The following PGLYRP3 variants were observed in gnomAD, a reference collection of about 807,000 sequenced individuals.
The protein encoded by PGLYRP3 is peptidoglycan recognition protein I alpha.
PGLYRP3 carries 39 observed loss-of-function variants against 36.0 expected under a neutral mutation model. The observed-to-expected ratio is 1.08, with a 90% CI of 0.84 to 1.41. PGLYRP3 has a LOEUF of 1.41. PGLYRP3 is among the 40% of genes most tolerant of loss of function. The probability of loss-of-function intolerance (pLI) is 0.00; values close to 1 mark genes in which losing one functional copy is unlikely to be tolerated. For synonymous variants in PGLYRP3, 204 were observed against 172.8 expected (o/e 1.18, Z -1.42); for missense variants, 407 against 427.9 (o/e 0.95, Z 0.43).
At chr1:153,310,581 G>A in intron 2 of PGLYRP3, 30 bp downstream of exon 2, 1 of 1,610,248 alleles carries the variant, frequency 6.2e-7, no homozygotes, top group Non-Finnish European at 8.5e-7. Context: ...CTCATCAAAA[G>A]CACTTCTGAT....
Position 153,304,034 on chromosome 1 carries a change from A to G in PGLYRP3, c.377-25T>C, listed in dbSNP as rs770587683. The G allele has an allele frequency of 3.1e-6, 5 of 1,595,502 alleles. No individual in the cohort carries two copies. In the South Asian group the frequency reaches 5.6e-5, roughly 18 times the overall value. Reference sequence around the variant, plus strand: ...CCTTAAAGAGGAGGACAGGGAGCACAAAAATGTCAGTAAGAAACTCCACCT... The same window carrying G: ...CCTTAAAGAGGAGGACAGGGAGCACGAAAATGTCAGTAAGAAACTCCACCT... On this transcript the variant is annotated intron_variant, in intron 4 of 7. Transcript: ENST00000683862.
In PGLYRP3 at chr1:153,312,937, C is replaced by A. The variant is rs938227798; in HGVS notation, c.-336G>T. On this transcript the variant is annotated 5_prime_UTR_variant, in exon 1 of 8. Coordinates refer to ENST00000683862, the MANE Select transcript of PGLYRP3 (RefSeq NM_052891.3). The stretch of plus-strand genomic sequence containing the variant: ...CTCCAAGCCAGCTCTGTTTACAGCA[C>A]CCAGAGAAACTTAAGTGGGAACAGA... 1.3e-5 allele frequency among the ~76,000 whole-genome samples: 2 copies of A among 152,158 alleles called. No individual in the cohort carries two copies. Among genetic ancestry groups the A allele is most frequent in the African/African-American group, 2.4e-5 (1 of 41,444 alleles).
chr1:153,297,573 GA>G lies in PGLYRP3; in HGVS notation c.*382del, dbSNP rs1557805448. ...AAGGAAAGAAAGAAAAAGAAAGAAA[GA>G]AAGAAAGAAGAAAGAAAGAAAGAAA... On this transcript the variant is annotated 3_prime_UTR_variant, in exon 8 of 8. Coordinates refer to ENST00000683862, the MANE Select transcript of PGLYRP3 (RefSeq NM_052891.3). 2.2e-3 allele frequency among the ~76,000 whole-genome samples: 218 copies of G among 100,782 alleles called. 8 individuals carry two copies. In the East Asian group the frequency reaches 0.034, roughly 16 times the overall value. The allele number at this position is 100,782 out of a possible 152,430, so 66.1% of individuals were successfully genotyped here.
rs1384888609 is a variant in PGLYRP3 at position 153,302,586 on chromosome 1, C to T, written c.551G>A (p.Arg184Gln). Reference sequence around the variant, plus strand: ...TGTCTCTCTGGCTTCCCAAGCAGATCGTTTGATGATGTTGGGGCAAACTGT... The same window carrying T: ...TGTCTCTCTGGCTTCCCAAGCAGATTGTTTGATGATGTTGGGGCAAACTGT... ...PRKVCPNIIK[R>Q]SAWEARETHC... Residue 184 changes from arginine (R) to glutamine (Q), a missense_variant, in exon 6 of 8, where the codon CGA becomes CAA. Coordinates refer to ENST00000683862, the MANE Select transcript of PGLYRP3 (RefSeq NM_052891.3). 5 of 1,613,954 alleles carry T rather than the reference C, an allele frequency of 3.1e-6. No individual in the cohort carries two copies. Among genetic ancestry groups the T allele is most frequent in the East Asian group, 4.5e-5 (2 of 44,898 alleles).
intron 1 of PGLYRP3, among the ~76,000 whole-genome samples, 82 bp downstream of exon 1, chr1:153,312,561 T>C (rs1221938336): frequency 6.6e-6 from 1 of 152,052 alleles, no homozygotes; most frequent in Non-Finnish European, 1.5e-5. Context: ...TTTAACCCTA[T>C]AGACTTCCGT....
At chr1:153,304,159 G>A (rs1444440636) in intron 4 of PGLYRP3, 150 bp from the exon 5 acceptor site, 1 of 678,992 alleles carries the variant, frequency 1.5e-6, no homozygotes, top group Admixed American at 3.0e-5. Context: ...GAGTGCCTAA[G>A]AGGCGAGAAG....
chr1:153,311,769 A>G (rs1659901691), intron 1 of PGLYRP3, among the ~76,000 whole-genome samples: 1 of 152,256 alleles, frequency 6.6e-6, no homozygotes, highest in African/African-American at 2.4e-5. Context: ...AACTGCAATC[A>G]GCAGTCCCCA....
intron 1 of PGLYRP3, 123 bp from the exon 2 acceptor site, chr1:153,310,829 G>T (rs1159553030): frequency 1.5e-6 from 1 of 649,616 alleles, no homozygotes; most frequent in Non-Finnish European, 2.7e-6. Context: ...CCAGCACCTG[G>T]CTCAGGCTTC....
chr1:153,308,000 C>CT (rs34266664), intron 2 of PGLYRP3, among the ~76,000 whole-genome samples: 10,319 of 145,180 alleles, frequency 0.071, 439 homozygotes, highest in African/African-American at 0.12. Flanking sequence ...TTCTCTCTCT[C>CT]TTTTTTTTTT....
rs551886273 is a variant in PGLYRP3 at position 153,304,040 on chromosome 1, G to A, written c.377-31C>T. On this transcript the variant is annotated intron_variant, in intron 4 of 7. Transcript: ENST00000683862. ...AGAGGAGGACAGGGAGCACAAAAAT[G>A]TCAGTAAGAAACTCCACCTAGACCA... The A allele has an allele frequency of 2.6e-4, 416 of 1,592,614 alleles. 3 individuals are homozygous for A. The Middle Eastern group carries it at 4.2e-3, about 16-fold the overall frequency.
At chr1:153,300,874 C>T (rs950884727) in intron 6 of PGLYRP3, among the ~76,000 whole-genome samples, 15 of 152,344 alleles carry the variant, frequency 9.8e-5, no homozygotes, top group South Asian at 2.1e-4. Context: ...TGCAAATTCC[C>T]TTTACACTCT....
In PGLYRP3 at chr1:153,297,578, A is replaced by G. The variant is rs1659466949; in HGVS notation, c.*378T>C. Among the ~76,000 whole-genome samples, 1 of 48,488 alleles carries G rather than the reference A, an allele frequency of 2.1e-5. No homozygotes were observed. The highest frequency in any genetic ancestry group is 7.5e-5 in the African/African-American group (1 of 13,404). The allele number at this position is 48,488 out of a possible 152,430, so 31.8% of individuals were successfully genotyped here. A position where few individuals can be genotyped will look rare whatever the true frequency, so the allele number is the denominator to read the frequency against. ...AAGAAAGAAAAAGAAAGAAAGAAAG[A>G]AAGAAGAAAGAAAGAAAGAAAGAAA... On this transcript the variant is annotated 3_prime_UTR_variant, in exon 8 of 8. Coordinates refer to ENST00000683862, the MANE Select transcript of PGLYRP3 (RefSeq NM_052891.3).
At chr1:153,312,493 T>G (rs1659918582) in intron 1 of PGLYRP3, among the ~76,000 whole-genome samples, 150 bp downstream of exon 1, 1 of 152,222 alleles carries the variant, frequency 6.6e-6, no homozygotes, top group Non-Finnish European at 1.5e-5. Context: ...AATTTTCTTA[T>G]TTGGAGAAAG....
chr1:153,297,213 A>G lies in PGLYRP3; in HGVS notation c.*743T>C, dbSNP rs1659447237. On this transcript the variant is annotated 3_prime_UTR_variant, in exon 8 of 8. Transcript: ENST00000683862. ...AGGAACTGAGGATAGAGATGAATAA[A>G]ATAGAATTCCTCCCTTGGAGAAACT... is the stretch of plus-strand genomic sequence containing the variant. Among the ~76,000 whole-genome samples, 1 of 152,188 alleles carries G rather than the reference A, an allele frequency of 6.6e-6. No individual in the cohort carries two copies. The highest frequency in any genetic ancestry group is 2.4e-5 in the African/African-American group (1 of 41,436).
At chr1:153,307,925 T>G (rs1170767361) in intron 2 of PGLYRP3, among the ~76,000 whole-genome samples, 1 of 152,012 alleles carries the variant, frequency 6.6e-6, no homozygotes, top group Non-Finnish European at 1.5e-5. Context: ...TGAGGGACAA[T>G]GGAGACACTG....
At chr1:153,298,169 G>T (rs752804603) in intron 7 of PGLYRP3, 35 bp from the exon 8 acceptor site, 4 of 1,601,124 alleles carry the variant, frequency 2.5e-6, no homozygotes, top group South Asian at 1.1e-5. Flanking sequence ...GTCATTAGGG[G>T]CTCAAAGTTT....
chr1:153,304,290 G>A (rs1302867880), intron 4 of PGLYRP3, among the ~76,000 whole-genome samples: 1 of 152,172 alleles, frequency 6.6e-6, no homozygotes, highest in Non-Finnish European at 1.5e-5. Flanking sequence ...GCAAAGGGAG[G>A]CCCACCTGAC....
chr1:153,304,858 G>A, intron 4 of PGLYRP3, 89 bp downstream of exon 4: 1 of 925,862 alleles, frequency 1.1e-6, no homozygotes, highest in Non-Finnish European at 1.6e-6. Flanking sequence ...GTATGATGTA[G>A]GGTAAAAAGA....
At chr1:153,302,359 C>T (rs756831915) in intron 6 of PGLYRP3, 50 bp downstream of exon 6, 1 of 1,588,966 alleles carries the variant, frequency 6.3e-7, no homozygotes, top group Middle Eastern at 1.7e-4. Context: ...AGCCTTCCTT[C>T]CTACAATCCT....
Sources: gnomAD v4.1 joint callset for allele counts (sites outside exome capture counted in the v4.1 genomes callset) on GRCh38, gnomAD v4.1.1 for gene constraint, MANE v1.5 for transcripts, NCBI Gene and HGNC (gene_info 2026-07-23, HGNC 2026-07-21) for gene names.